ZNF606: variants seen among roughly 807,000 people sequenced by gnomAD.
ZNF606 encodes zinc finger protein 328.
A neutral mutation model predicts 74.9 loss-of-function variants in ZNF606; 37 were observed. The observed-to-expected ratio is 0.49, with a 90% CI of 0.38 to 0.65. The LOEUF (loss-of-function observed/expected upper bound fraction) is 0.65, where lower values mean the gene tolerates loss of function less well. Ranked by LOEUF, ZNF606 falls within the 30% of genes least tolerant of loss-of-function variation. The pLI is 0.00. For missense variants in ZNF606, 852 were observed against 952.9 expected, an observed-to-expected ratio of 0.89 and a Z score of 1.39; for synonymous variants, 328 against 312.4, an observed-to-expected ratio of 1.05 and a Z score of -0.53.
intron 6 of ZNF606, among the ~76,000 whole-genome samples, chr19:57,984,680 C>T (rs1042955722): frequency 6.6e-6 from 1 of 152,148 alleles, no homozygotes; most frequent in Non-Finnish European, 1.5e-5. Flanking sequence ...AAAGTGATTA[C>T]CTGAGGCAGA....
chr19:58,002,527 C>T lies in ZNF606; in HGVS notation c.-183G>A, dbSNP rs1426906574. 4 of 430,794 alleles carry T rather than the reference C, an allele frequency of 9.3e-6. No individual in the cohort carries two copies. The highest frequency in any genetic ancestry group is 2.6e-5 in the Admixed American group (1 of 38,312). 26.7% of individuals were successfully genotyped at this position (430,794 alleles called of 1,614,324 possible). A position where few individuals can be genotyped will look rare whatever the true frequency, so the allele number is the denominator to read the frequency against. ...CGCTTGGGAGCTCCCGGCGCGGCCT[C>T]GGGGACAAAGGCCCGCGGAGCCGAC... On this transcript the variant is annotated 5_prime_UTR_variant, in exon 1 of 7. Coordinates refer to ENST00000551380, the MANE Select transcript of ZNF606 (RefSeq NM_001348022.3).
intron 6 of ZNF606, among the ~76,000 whole-genome samples, chr19:57,985,810 T>C (rs1471510018): frequency 6.6e-6 from 1 of 150,742 alleles, no homozygotes; most frequent in Non-Finnish European, 1.5e-5. Flanking sequence ...GGCGGGCCCC[T>C]GTAATCCTAG....
At chr19:57,997,707 G>T (rs1441396328) in intron 4 of ZNF606, 1 of 152,226 alleles carries the variant, frequency 6.6e-6, no homozygotes, top group Non-Finnish European at 1.5e-5. Context: ...TAGCATGGTG[G>T]TTAACAGGGC....
rs753435061 is a variant in ZNF606 at position 57,979,808 on chromosome 19, C to T, written c.872G>A (p.Cys291Tyr). Reference protein sequence around the residue: ...RIQTGDNLFKCTDAVKSFNHI... With the variant: ...RIQTGDNLFKYTDAVKSFNHI... Reference sequence around the variant, plus strand: ...ATTGAAAGATTTAACAGCATCAGTACATTTGAAAAGATTATCTCCAGTTTG... The same window carrying T: ...ATTGAAAGATTTAACAGCATCAGTATATTTGAAAAGATTATCTCCAGTTTG... Residue 291 changes from cysteine to tyrosine, a missense_variant, in exon 7 of 7, where the codon TGT (cysteine) becomes TAT (tyrosine). Coordinates refer to ENST00000551380, the MANE Select transcript of ZNF606 (RefSeq NM_001348022.3). The T allele has an allele frequency of 4.3e-6, 7 of 1,613,352 alleles. No individual in the cohort carries two copies. Among genetic ancestry groups the T allele is most frequent in the East Asian group, 2.2e-5 (1 of 44,866 alleles).
chr19:58,000,416 G>A (rs1268457150), intron 3 of ZNF606: 2 of 571,072 alleles, frequency 3.5e-6, no homozygotes, highest in Non-Finnish European at 6.2e-6. Flanking sequence ...TAGTAGAGAC[G>A]GGGTTTCACC....
chr19:57,990,573 G>A (rs1403896811), intron 4 of ZNF606, among the ~76,000 whole-genome samples: 3 of 146,206 alleles, frequency 2.1e-5, no homozygotes, highest in Non-Finnish European at 4.5e-5. Flanking sequence ...TCAACCGCAA[G>A]ACACCCGCTC....
At chr19:57,988,424 C>G (rs777171395) in intron 5 of ZNF606, 122 bp from the exon 6 acceptor site, 10 of 1,368,672 alleles carry the variant, frequency 7.3e-6, no homozygotes, top group Non-Finnish European at 1.0e-5. Flanking sequence ...AGGTCCTTCC[C>G]ACTCCATGCT....
At position 57,978,990 on chromosome 19, in the gene ZNF606, C is replaced by T; in HGVS notation, c.1690G>A (p.Gly564Arg). The T allele has an allele frequency of 1.2e-6, 2 of 1,614,134 alleles. No individual in the cohort carries two copies. Among genetic ancestry groups the T allele is most frequent in the South Asian group, 1.1e-5 (1 of 91,082 alleles). Residue 564 changes from glycine (G) to arginine (R), a missense_variant, in exon 7 of 7, where the codon GGA becomes AGA. Gly to Arg is a moderately radical substitution (Grantham distance 125, BLOSUM62 -2). Transcript: ENST00000551380. The surrounding 1 kb of genome is among the most constrained non-coding windows in gnomAD (Gnocchi z 4.4). Reference protein sequence around the residue: ...ALSKHERTHSGAKPYKCTECG... With the variant: ...ALSKHERTHSRAKPYKCTECG... Reference sequence around the variant, plus strand: ...TCAGTACATTTATATGGTTTTGCTCCAGAATGAGTTCTTTCATGTTTACTA... The same window carrying T: ...TCAGTACATTTATATGGTTTTGCTCTAGAATGAGTTCTTTCATGTTTACTA...
At chr19:57,984,615 T>A (rs988915737) in intron 6 of ZNF606, among the ~76,000 whole-genome samples, 1 of 152,234 alleles carries the variant, frequency 6.6e-6, no homozygotes, top group African/African-American at 2.4e-5. Flanking sequence ...TACAAATTCC[T>A]ACATGCTTGT....
intron 4 of ZNF606, 156 bp downstream of exon 4, chr19:57,999,652 C>T (rs1481972715): frequency 1.1e-5 from 8 of 698,918 alleles, no homozygotes; most frequent in Non-Finnish European, 1.9e-5. Flanking sequence ...CTAAAAACGG[C>T]CTAATTCTCC....
At position 57,992,763 on chromosome 19, in the gene ZNF606, T is replaced by C. The variant is rs531983702; in HGVS notation, c.178-4042A>G. Among the ~76,000 whole-genome samples the C allele has an allele frequency of 3.9e-5, 6 of 152,318 alleles. No individual in the cohort carries two copies. The South Asian group carries it at 1.2e-3, about 32-fold the overall frequency. On this transcript the variant is annotated intron_variant, in intron 4 of 6. Transcript: ENST00000551380. ...AATGATACAATTCTGAGATTTGCTT[T>C]CAAATCCTCCAGTTTAAAAAAGGTT...
In ZNF606 at chr19:57,979,580, G is replaced by A. The variant is rs748763031; in HGVS notation, c.1100C>T (p.Thr367Ile). Reference protein sequence around the residue: ...SSFMEHQKIGTVEKAYKYNEW... With the variant: ...SSFMEHQKIGIVEKAYKYNEW... ...ATTGTATTTATACGCTTTCTCTACA[G>A]TACCAATTTTTTGATGTTCCATAAA... is the stretch of plus-strand genomic sequence containing the variant. The change falls in exon 7 of 7, where the codon ACT becomes ATT. Residue 367 changes from threonine to isoleucine, a missense_variant. Physicochemically the swap from Thr to Ile is moderately conservative, Grantham distance 89. Around this residue, in one of 3 missense-constraint regions of ZNF606, gnomAD observed 545 missense variants for 542.5 expected, o/e 1.00. Coordinates refer to ENST00000551380, the MANE Select transcript of ZNF606 (RefSeq NM_001348022.3). The A allele has an allele frequency of 3.1e-6, 5 of 1,612,908 alleles. No homozygotes were observed. The highest frequency in any genetic ancestry group is 1.3e-5 in the African/African-American group (1 of 74,852).
chr19:57,995,235 ATTC>A (rs2073317961), intron 4 of ZNF606, among the ~76,000 whole-genome samples: 2 of 151,850 alleles, frequency 1.3e-5, no homozygotes, highest in African/African-American at 4.8e-5. Flanking sequence ...ACCAGGTACA[ATTC>A]TGCTTCTAGG....
intron 1 of ZNF606, 39 bp downstream of exon 1, chr19:58,002,357 A>G: frequency 2.2e-6 from 1 of 456,692 alleles, no homozygotes; most frequent in Non-Finnish European, 4.4e-6. Flanking sequence ...CTCAAGACCG[A>G]CGCGGCCGCG....
intron 4 of ZNF606, among the ~76,000 whole-genome samples, chr19:57,992,550 T>C (rs2073276586): frequency 6.6e-6 from 1 of 152,208 alleles, no homozygotes; most frequent in African/African-American, 2.4e-5. Flanking sequence ...TGGGCCTTGT[T>C]TGGATCCTGA....
rs2073005101 is a variant in ZNF606, at chr19:57,977,329, T to A, written c.*972A>T. On this transcript the variant is annotated 3_prime_UTR_variant, in exon 7 of 7. Coordinates refer to ENST00000551380, the MANE Select transcript of ZNF606 (RefSeq NM_001348022.3). The stretch of plus-strand genomic sequence containing the variant: ...CTCAGAGTAAAGGGGACTAAACAAG[T>A]TAACACTTGGAAAGCATTTAAAAGA... 6.6e-6 allele frequency: 1 copy of A among 152,210 alleles called. No homozygotes were observed. 9.4% of individuals were successfully genotyped at this position (152,210 alleles called of 1,614,324 possible). A position where few individuals can be genotyped will look rare whatever the true frequency, so the allele number is the denominator to read the frequency against.
rs1270236376 is a variant in ZNF606, at chr19:57,978,439, C to T, written c.2241G>A (p.Lys747=). The T allele has an allele frequency of 1.2e-6, 2 of 1,613,852 alleles. No individual in the cohort carries two copies. Among genetic ancestry groups the T allele is most frequent in the Non-Finnish European group, 1.7e-6 (2 of 1,179,894 alleles). ...KCNHCEKAFC[K]NSSLIIHQRM... is the part of the protein sequence containing the mutation. ...TCTGATGAATAATAAGGGAAGAATT[C>T]TTACAAAATGCTTTTTCACAATGAT... Residue 747 remains lysine, a synonymous_variant, in exon 7 of 7, where the codon AAG becomes AAA. Coordinates refer to ENST00000551380, the MANE Select transcript of ZNF606 (RefSeq NM_001348022.3). This position sits in a 1 kb window ranked among gnomAD's most constrained non-coding sequence, Gnocchi z 4.4.
At chr19:57,992,391 G>C (rs560851883) in intron 4 of ZNF606, among the ~76,000 whole-genome samples, 2 of 152,170 alleles carry the variant, frequency 1.3e-5, no homozygotes, top group Non-Finnish European at 2.9e-5. Context: ...AATACCAAAT[G>C]AATCTACTCA....
chr19:57,989,486 G>A (rs927663667), intron 4 of ZNF606, among the ~76,000 whole-genome samples: 13 of 151,620 alleles, frequency 8.6e-5, no homozygotes, highest in African/African-American at 2.7e-4. Context: ...TCGCTCTGTC[G>A]CCCAGGCTGG....
Sources: allele counts gnomAD v4.1 joint callset (sites outside exome capture counted in the v4.1 genomes callset), GRCh38; gene constraint gnomAD v4.1.1; regional missense constraint gnomAD v4.1.1; non-coding constraint Gnocchi (gnomAD v3.1); transcripts MANE v1.5; gene names NCBI Gene and HGNC (gene_info 2026-07-23, HGNC 2026-07-21).